The following FOXP1 variants were observed in gnomAD, a reference collection of about 807,000 sequenced individuals.
FOXP1 encodes the protein forkhead box protein P1.
In FOXP1, 15 loss-of-function variants were observed where a neutral mutation model predicts 98.2. That is an observed-to-expected ratio of 0.15 (90% CI 0.10 to 0.24). The LOEUF is 0.24. Among genes scored for constraint, FOXP1 ranks in the 10% least tolerant of loss-of-function variants. The probability of loss-of-function intolerance (pLI) is 1.00; values close to 1 mark genes in which losing one functional copy is unlikely to be tolerated. For missense variants in FOXP1, 633 were observed against 848.5 expected (o/e 0.75, Z 3.15); for synonymous variants, 371 against 314.5 (o/e 1.18, Z -1.90).
rs368660532 is a variant in FOXP1, at chr3:70,955,351, T to C, written c.*3896A>G. On this transcript the variant is annotated 3_prime_UTR_variant, in exon 21 of 21. Coordinates refer to ENST00000649528, the MANE Select transcript of FOXP1 (RefSeq NM_001349338.3). ...TGTCCAAAGGTGGCAGGACTGGTGG[T>C]AACTCTTCACGTATGTACATAAGCC... The C allele has an allele frequency of 1.8e-4, 43 of 232,960 alleles. No homozygotes were observed. Among genetic ancestry groups the C allele is most frequent in the African/African-American group, 8.4e-4 (38 of 45,416 alleles). The allele number at this position is 232,960 out of a possible 1,614,324, so 14.4% of individuals were successfully genotyped here. A position where few individuals can be genotyped will look rare whatever the true frequency, so the allele number is the denominator to read the frequency against.
At chr3:71,389,529 G>A (rs1216529703) in intron 3 of FOXP1, among the ~76,000 whole-genome samples, 1 of 152,144 alleles carries the variant, frequency 6.6e-6, no homozygotes, top group East Asian at 1.9e-4. Flanking sequence ...GAAAAAAACT[G>A]AAGTGGTTCA....
chr3:71,157,614 T>C (rs1027905298), intron 6 of FOXP1, among the ~76,000 whole-genome samples: 3 of 152,242 alleles, frequency 2.0e-5, no homozygotes, highest in African/African-American at 7.2e-5. Flanking sequence ...TCCAGTGTAC[T>C]GCCAAATGTC....
chr3:71,557,372 T>C (rs2046218558), intron 2 of FOXP1, among the ~76,000 whole-genome samples: 1 of 150,640 alleles, frequency 6.6e-6, no homozygotes. Context: ...AAATCCTGCT[T>C]ATTTAAAAAA....
chr3:70,982,048 G>A (rs79241387), intron 14 of FOXP1, among the ~76,000 whole-genome samples: 1 of 152,182 alleles, frequency 6.6e-6, no homozygotes, highest in Non-Finnish European at 1.5e-5. Context: ...GTCTGGAGGA[G>A]AAACCATCTT....
intron 13 of FOXP1, among the ~76,000 whole-genome samples, chr3:70,991,929 CCCTCCCTGCT>C (rs2040663686): frequency 6.6e-6 from 1 of 152,162 alleles, no homozygotes; most frequent in Non-Finnish European, 1.5e-5. Context: ...GTCTTAGTCT[CCCTCCCTGCT>C]CTCATGCTGA....
intron 2 of FOXP1, among the ~76,000 whole-genome samples, chr3:71,496,992 G>T (rs1304453113): frequency 1.3e-5 from 2 of 151,802 alleles, no homozygotes; most frequent in Non-Finnish European, 1.5e-5. Flanking sequence ...GTGTTGTTAA[G>T]AATTCAACAG....
intron 7 of FOXP1, among the ~76,000 whole-genome samples, chr3:71,071,764 G>A (rs1311075123): frequency 6.6e-6 from 1 of 152,028 alleles, no homozygotes; most frequent in East Asian, 1.9e-4. Context: ...AGTAGAGACG[G>A]TGTTTCACCA....
intron 6 of FOXP1, among the ~76,000 whole-genome samples, chr3:71,138,504 T>C (rs1005737827): frequency 6.6e-6 from 1 of 152,220 alleles, no homozygotes; most frequent in Non-Finnish European, 1.5e-5. Flanking sequence ...GCAGCTCCTC[T>C]GAGCCTGATA....
chr3:70,955,832 G>GCACACACACACACACA lies in FOXP1; in HGVS notation c.*3399_*3414dup, dbSNP rs143202281. 28 of 221,632 alleles carry GCACACACACACACACA rather than the reference G, an allele frequency of 1.3e-4. No homozygotes were observed. Among genetic ancestry groups the GCACACACACACACACA allele is most frequent in the East Asian group, 8.7e-4 (14 of 16,066 alleles). 13.7% of individuals were successfully genotyped at this position (221,632 alleles called of 1,614,324 possible). A position where few individuals can be genotyped will look rare whatever the true frequency, so the allele number is the denominator to read the frequency against. ...AACAGATTAACACACACGCACGCGC[G>GCACACACACACACACA]CACACACACACACACACACACACAA... On this transcript the variant is annotated 3_prime_UTR_variant, in exon 21 of 21. Coordinates refer to ENST00000649528, the MANE Select transcript of FOXP1 (RefSeq NM_001349338.3).
In FOXP1 at chr3:70,957,838, A is replaced by G. The variant is rs17008063; in HGVS notation, c.*1409T>C. 4,302 of 234,002 alleles carry G rather than the reference A, an allele frequency of 0.018. 136 individuals are homozygous for G. The highest frequency in any genetic ancestry group is 0.1 in the East Asian group (1,681 of 16,578). The allele number at this position is 234,002 out of a possible 1,614,324, so 14.5% of individuals were successfully genotyped here. ...AAATTAACACTTTAGCATTTGCTGA[A>G]CTCAGCCCTCGTTAACTCCCTTAAC... is the stretch of plus-strand genomic sequence containing the variant. On this transcript the variant is annotated 3_prime_UTR_variant, in exon 21 of 21. Transcript: ENST00000649528.
chr3:71,233,526 A>C (rs2066509190), intron 5 of FOXP1, among the ~76,000 whole-genome samples: 1 of 151,850 alleles, frequency 6.6e-6, no homozygotes, highest in East Asian at 1.9e-4. Flanking sequence ...TCCGGGGTTC[A>C]AGAGATTCTC....
At chr3:71,110,633 A>T (rs1481247995) in intron 7 of FOXP1, among the ~76,000 whole-genome samples, 3 of 152,236 alleles carry the variant, frequency 2.0e-5, no homozygotes, top group Non-Finnish European at 2.9e-5. Context: ...AATATGTACC[A>T]ACAATTGGCT....
intron 7 of FOXP1, among the ~76,000 whole-genome samples, chr3:71,086,536 C>T (rs776288845): frequency 3.3e-5 from 5 of 152,138 alleles, no homozygotes; most frequent in Non-Finnish European, 5.9e-5. Context: ...GTTGCCTTTT[C>T]TAATCTCCAG....
rs185444864 is a variant in FOXP1, at chr3:71,501,770, A to C, written c.-297-8215T>G. Among the ~76,000 whole-genome samples the C allele has an allele frequency of 2.6e-5, 4 of 152,324 alleles. No individual in the cohort carries two copies. The East Asian group carries it at 7.7e-4, about 29-fold the overall frequency. ...TTGAATCCATTGCTCCTCCCAGTGC[A>C]CACAATCCACCTTCACGTTTCTGAA... On this transcript the variant is annotated intron_variant, in intron 2 of 20. Transcript: ENST00000649528.
chr3:71,564,562 G>T (rs913760397), intron 2 of FOXP1, among the ~76,000 whole-genome samples: 1 of 152,210 alleles, frequency 6.6e-6, no homozygotes, highest in South Asian at 2.1e-4. Flanking sequence ...CCGACCTTGA[G>T]TCGCTGCCCG....
At chr3:71,466,685 T>C (rs886311757) in intron 3 of FOXP1, among the ~76,000 whole-genome samples, 1 of 152,148 alleles carries the variant, frequency 6.6e-6, no homozygotes, top group African/African-American at 2.4e-5. Flanking sequence ...GACTCAGCGC[T>C]GAGTGCAGGG....
At chr3:71,464,377 G>T (rs968913517) in intron 3 of FOXP1, among the ~76,000 whole-genome samples, 4 of 152,164 alleles carry the variant, frequency 2.6e-5, no homozygotes, top group Non-Finnish European at 5.9e-5. Context: ...CGGGGCTCTC[G>T]GCTCACTGCC....
At chr3:71,273,047 G>A (rs972261916) in intron 5 of FOXP1, among the ~76,000 whole-genome samples, 14 of 152,130 alleles carry the variant, frequency 9.2e-5, no homozygotes, top group African/African-American at 1.7e-4. Context: ...TCGTGTGTGC[G>A]CATCCATCTG....
At chr3:71,207,325 C>T (rs1022088247) in intron 5 of FOXP1, among the ~76,000 whole-genome samples, 4 of 151,244 alleles carry the variant, frequency 2.6e-5, no homozygotes, top group Non-Finnish European at 5.9e-5. Flanking sequence ...TAATGACTGG[C>T]GTGATCTATG....
Sources: allele counts gnomAD v4.1 joint callset (sites outside exome capture counted in the v4.1 genomes callset), GRCh38; gene constraint gnomAD v4.1.1; transcripts MANE v1.5; gene names NCBI Gene and HGNC (gene_info 2026-07-23, HGNC 2026-07-21).